Variants in PTPRM observed in about 807,000 individuals in gnomAD.
PTPRM encodes receptor-type tyrosine-protein phosphatase mu.
A neutral mutation model predicts 186.7 loss-of-function variants in PTPRM; 47 were observed. That is an observed-to-expected ratio of 0.25 (90% confidence interval 0.20 to 0.32). The LOEUF is 0.32. PTPRM is among the 10% of genes least tolerant of loss of function. The pLI is 1.00. For synonymous variants in PTPRM, 668 were observed against 674.9 expected (o/e 0.99, Z 0.16); for missense variants, 1,494 against 1,865.0 (o/e 0.80, Z 3.66).
intron 9 of PTPRM, among the ~76,000 whole-genome samples, chr18:8,082,518 T>C: frequency 8.7e-6 from 1 of 114,732 alleles, no homozygotes; most frequent in Admixed American, 1.0e-4. Flanking sequence ...TCCCTCCCTC[T>C]CACCCTCCCT....
Position 7,615,561 on chromosome 18 carries a change from G to A in PTPRM, c.73+47670G>A, listed in dbSNP as rs139467987. The stretch of plus-strand genomic sequence containing the variant: ...GGGAGGCCTCTGCCTTCCTTCTCTG[G>A]TACATGGAAGCAGCAGAAGGAACAG... On this transcript the variant is annotated intron_variant, in intron 1 of 32. Transcript: ENST00000580170. 2.8e-3 allele frequency among the ~76,000 whole-genome samples: 424 copies of A among 152,100 alleles called. 1 individual carries two copies. Among genetic ancestry groups the A allele is most frequent in the African/African-American group, 9.4e-3 (390 of 41,494 alleles).
intron 2 of PTPRM, among the ~76,000 whole-genome samples, chr18:7,801,357 C>A (rs530580958): frequency 6.6e-6 from 1 of 151,782 alleles, no homozygotes; most frequent in South Asian, 2.1e-4. Flanking sequence ...AACATCTTAC[C>A]CTAGGCCTAG....
intron 7 of PTPRM, among the ~76,000 whole-genome samples, chr18:8,016,624 A>G (rs1319984564): frequency 6.6e-6 from 1 of 152,182 alleles, no homozygotes; most frequent in Non-Finnish European, 1.5e-5. Flanking sequence ...TTTCTGGTAC[A>G]TTCAAAAGGA....
At chr18:8,099,139 T>TTCTCTCTCTCTCTC (rs138039597) in intron 11 of PTPRM, among the ~76,000 whole-genome samples, 4 of 149,508 alleles carry the variant, frequency 2.7e-5, no homozygotes, top group Non-Finnish European at 6.0e-5. Flanking sequence ...CACAGTCTCT[T>TTCTCTCTCTCTCTC]TCTCTCTCTC....
chr18:7,629,246 G>C (rs1283687364), intron 1 of PTPRM, among the ~76,000 whole-genome samples: 1 of 152,190 alleles, frequency 6.6e-6, no homozygotes, highest in Non-Finnish European at 1.5e-5. Flanking sequence ...CATCTAACCT[G>C]TCCACAGAAG....
At chr18:8,092,583 C>A (rs2090799116) in intron 11 of PTPRM, among the ~76,000 whole-genome samples, 1 of 152,022 alleles carries the variant, frequency 6.6e-6, no homozygotes, top group Admixed American at 6.6e-5. Context: ...CTGGCAAATT[C>A]AAGGAGCATA....
chr18:7,688,474 G>A (rs1255010656), intron 1 of PTPRM, among the ~76,000 whole-genome samples: 2 of 152,196 alleles, frequency 1.3e-5, no homozygotes, highest in African/African-American at 4.8e-5. Context: ...AGTATTGTTG[G>A]CCAATTGTTG....
chr18:7,695,016 G>A (rs1383286479), intron 1 of PTPRM, among the ~76,000 whole-genome samples: 1 of 152,112 alleles, frequency 6.6e-6, no homozygotes, highest in African/African-American at 2.4e-5. Flanking sequence ...GAGAAGGAGG[G>A]CTTGTTGTTA....
intron 1 of PTPRM, among the ~76,000 whole-genome samples, chr18:7,651,406 A>C (rs1399386637): frequency 2.0e-5 from 3 of 152,194 alleles, no homozygotes; most frequent in Non-Finnish European, 4.4e-5. Flanking sequence ...AAACATAAAA[A>C]GGGTTCATAC....
intron 2 of PTPRM, among the ~76,000 whole-genome samples, chr18:7,784,212 T>G (rs898737690): frequency 8.5e-5 from 13 of 152,170 alleles, no homozygotes; most frequent in African/African-American, 3.1e-4. Flanking sequence ...TAGGCCTAGA[T>G]TATCCTTTTC....
chr18:7,737,373 G>T (rs1181465028), intron 1 of PTPRM, among the ~76,000 whole-genome samples: 1 of 152,240 alleles, frequency 6.6e-6, no homozygotes, highest in Non-Finnish European at 1.5e-5. Flanking sequence ...GGGATTACAG[G>T]CATGAGCCAC....
At chr18:8,160,309 A>T (rs1296147258) in intron 14 of PTPRM, among the ~76,000 whole-genome samples, 1 of 151,634 alleles carries the variant, frequency 6.6e-6, no homozygotes, top group Admixed American at 6.6e-5. Flanking sequence ...TTTATTGGAG[A>T]TAGGGACTTG....
At chr18:7,769,336 T>C (rs1478552756) in intron 1 of PTPRM, among the ~76,000 whole-genome samples, 3 of 152,198 alleles carry the variant, frequency 2.0e-5, no homozygotes, top group Non-Finnish European at 4.4e-5. Flanking sequence ...TAACTTTGTA[T>C]GCCTTGGTTT....
At chr18:8,283,914 C>G (rs1255202093) in intron 19 of PTPRM, among the ~76,000 whole-genome samples, 2 of 152,128 alleles carry the variant, frequency 1.3e-5, no homozygotes, top group African/African-American at 4.8e-5. Context: ...AGCTACCACA[C>G]CTGGCCACCA....
At chr18:7,829,394 A>G (rs2045649446) in intron 2 of PTPRM, among the ~76,000 whole-genome samples, 2 of 152,216 alleles carry the variant, frequency 1.3e-5, no homozygotes, top group African/African-American at 4.8e-5. Flanking sequence ...ATTCTATCCT[A>G]GCTAATCAAC....
At chr18:8,398,725 G>T (rs1021872767) in intron 32 of PTPRM, among the ~76,000 whole-genome samples, 1 of 147,558 alleles carries the variant, frequency 6.8e-6, no homozygotes, top group Non-Finnish European at 1.5e-5. Flanking sequence ...AGCTGAGATC[G>T]CACCACTGCA....
chr18:7,816,614 C>T (rs78359051), intron 2 of PTPRM, among the ~76,000 whole-genome samples: 7,358 of 152,170 alleles, frequency 0.048, 523 homozygotes, highest in East Asian at 0.16. Flanking sequence ...AGAAATTTTA[C>T]GTCATTCCTT....
intron 14 of PTPRM, among the ~76,000 whole-genome samples, chr18:8,201,907 A>T (rs1474978319): frequency 6.6e-6 from 1 of 152,242 alleles, no homozygotes; most frequent in Non-Finnish European, 1.5e-5. Flanking sequence ...AACACCTTCA[A>T]GCACATGATA....
chr18:7,981,746 G>A (rs1464487212), intron 7 of PTPRM, among the ~76,000 whole-genome samples: 3 of 152,186 alleles, frequency 2.0e-5, no homozygotes, highest in Non-Finnish European at 2.9e-5. Context: ...GAGGTAGCAA[G>A]GCCAGCTACA....
Sources: gnomAD v4.1 joint callset for allele counts (sites outside exome capture counted in the v4.1 genomes callset) on GRCh38, gnomAD v4.1.1 for gene constraint, MANE v1.5 for transcripts, NCBI Gene and HGNC (gene_info 2026-07-23, HGNC 2026-07-21) for gene names.